The following MYBL1 variants were observed in gnomAD, a reference collection of about 807,000 sequenced individuals.
MYBL1 encodes the protein myb-related protein A.
A neutral mutation model predicts 96.3 loss-of-function variants in MYBL1; 17 were observed. That is an observed-to-expected ratio of 0.18 (90% CI 0.12 to 0.26). The LOEUF (loss-of-function observed/expected upper bound fraction) is 0.26, where lower values mean the gene tolerates loss of function less well. Among genes scored for constraint, MYBL1 ranks in the 10% least tolerant of loss-of-function variants. The pLI is 1.00. For missense variants in MYBL1, 701 were observed against 882.9 expected (o/e 0.79, Z 2.61); for synonymous variants, 282 against 292.7 (o/e 0.96, Z 0.37).
In MYBL1 at chr8:66,566,117, T is replaced by C; in HGVS notation, c.2077A>G (p.Lys693Glu). 1 of 1,545,084 alleles carries C rather than the reference T, an allele frequency of 6.5e-7. No homozygotes were observed. The highest frequency in any genetic ancestry group is 2.4e-5 in the East Asian group (1 of 41,246). Residue 693 changes from lysine (K) to glutamate (E), a missense_variant, in exon 15 of 16, where the codon AAG becomes GAG. By Grantham distance (56) the Lys-to-Glu change is moderately conservative (BLOSUM62 1). This residue lies in a region of MYBL1 where 137 missense variants were observed against 137.5 expected (regional missense o/e 1.00). Transcript: ENST00000522677. ...STNKTYTLTK[K>E]KPNPNTSKVV... ...TTGGAAGTGTTAGGGTTTGGTTTCT[T>C]TTTAGTAAGTGTATATGTTTTGTTG...
intron 8 of MYBL1, among the ~76,000 whole-genome samples, chr8:66,583,989 C>T (rs1351013115): frequency 6.6e-6 from 1 of 152,038 alleles, no homozygotes; most frequent in Non-Finnish European, 1.5e-5. Flanking sequence ...ATACCAAAAC[C>T]AAATAAAGAA....
At chr8:66,588,663 C>T (rs1038536732) in intron 8 of MYBL1, among the ~76,000 whole-genome samples, 2 of 152,042 alleles carry the variant, frequency 1.3e-5, no homozygotes, top group Non-Finnish European at 2.9e-5. Flanking sequence ...AAAACATTCA[C>T]AAGAGTAGAG....
chr8:66,575,799 A>T (rs1010448927), intron 10 of MYBL1, among the ~76,000 whole-genome samples: 1 of 151,922 alleles, frequency 6.6e-6, no homozygotes, highest in Non-Finnish European at 1.5e-5. Flanking sequence ...CCAAAATATA[A>T]ATAAATAAAT....
intron 1 of MYBL1, among the ~76,000 whole-genome samples, chr8:66,603,049 A>G (rs6982202): frequency 0.13 from 20,233 of 151,746 alleles, 3,205 homozygotes; most frequent in African/African-American, 0.38. Flanking sequence ...CTGGCCTGGA[A>G]CTATACTTCT....
chr8:66,602,317 C>T (rs1810106094), intron 2 of MYBL1, 101 bp downstream of exon 2: 2 of 687,474 alleles, frequency 2.9e-6, no homozygotes, highest in Admixed American at 3.5e-5. Flanking sequence ...TCCCAAAGGG[C>T]TGGGATTACA....
At position 66,572,600 on chromosome 8, in the gene MYBL1, T is replaced by A. The variant is rs773861552; in HGVS notation, c.1614-4A>T. On this transcript the variant is annotated splice_region_variant and splice_polypyrimidine_tract_variant and intron_variant, in intron 11 of 15. Transcript: ENST00000522677. ...TCTAATAGTAGGTGTTCTAAACCTA[T>A]CCAGTCATTTAGATATTTATGTTAT... 7.3e-7 allele frequency: 1 copy of A among 1,360,584 alleles called. No homozygotes were observed. Among genetic ancestry groups the A allele is most frequent in the Non-Finnish European group, 1.0e-6 (1 of 974,288 alleles). 84.3% of individuals were successfully genotyped at this position (1,360,584 alleles called of 1,614,324 possible). A position where few individuals can be genotyped will look rare whatever the true frequency, so the allele number is the denominator to read the frequency against.
At chr8:66,597,256 C>A in intron 5 of MYBL1, 74 bp downstream of exon 5, 3 of 1,076,712 alleles carry the variant, frequency 2.8e-6, no homozygotes, top group East Asian at 5.4e-5. Context: ...CGGGGACTTG[C>A]AAATGTATTT....
chr8:66,579,613 C>T (rs1335628654), intron 9 of MYBL1, among the ~76,000 whole-genome samples: 1 of 151,154 alleles, frequency 6.6e-6, no homozygotes, highest in Non-Finnish European at 1.5e-5. Context: ...ACTGAGATTG[C>T]ACCACTACAC....
At chr8:66,584,827 A>C (rs1227531898) in intron 8 of MYBL1, among the ~76,000 whole-genome samples, 1 of 152,186 alleles carries the variant, frequency 6.6e-6, no homozygotes, top group Non-Finnish European at 1.5e-5. Flanking sequence ...GATAAATTAA[A>C]CCAAGAAGGT....
At chr8:66,612,383 C>G (rs1810564488) in intron 1 of MYBL1, 1 of 180,736 alleles carries the variant, frequency 5.5e-6, no homozygotes, top group Non-Finnish European at 1.1e-5. Flanking sequence ...CGCCCAGGTT[C>G]ACCGCGGAGT....
chr8:66,586,293 AC>A (rs2129882252), intron 8 of MYBL1, among the ~76,000 whole-genome samples: 1 of 151,766 alleles, frequency 6.6e-6, no homozygotes, highest in South Asian at 2.1e-4. Flanking sequence ...CAATCTACCC[AC>A]CTTAGCCTCT....
At chr8:66,574,817 G>A (rs910076538) in intron 10 of MYBL1, among the ~76,000 whole-genome samples, 6 of 152,242 alleles carry the variant, frequency 3.9e-5, no homozygotes, top group Admixed American at 6.5e-5. Flanking sequence ...CACTTTGGGA[G>A]GCCGAGGCGG....
intron 9 of MYBL1, among the ~76,000 whole-genome samples, chr8:66,577,789 G>A (rs1207499585): frequency 6.6e-6 from 1 of 152,146 alleles, no homozygotes; most frequent in African/African-American, 2.4e-5. Flanking sequence ...TAAGCCAAAA[G>A]AACAAAGCTG....
At chr8:66,603,692 A>C (rs902030289) in intron 1 of MYBL1, among the ~76,000 whole-genome samples, 8 of 151,854 alleles carry the variant, frequency 5.3e-5, no homozygotes, top group Non-Finnish European at 1.0e-4. Context: ...GGGTTTTGCT[A>C]TGTTGCTCCA....
Position 66,599,122 on chromosome 8 carries a change from G to A in MYBL1, c.219C>T (p.Cys73=), listed in dbSNP as rs1417706710. The A allele has an allele frequency of 6.3e-7, 1 of 1,592,620 alleles. No individual in the cohort carries two copies. The highest frequency in any genetic ancestry group is 1.8e-5 in the Admixed American group (1 of 56,010). ...TTAAAACTTTCTGCCATCGATGCTG[G>A]CACTGAAAATCAGAGCGATTCTGAA... ...SHLQNRSDFQ[C]QHRWQKVLNP... is the part of the protein sequence containing the mutation. The change falls in exon 4 of 16, where the codon TGC becomes TGT. Residue 73 remains cysteine (C), a synonymous_variant. Transcript: ENST00000522677.
At chr8:66,606,477 T>C (rs182350572) in intron 1 of MYBL1, among the ~76,000 whole-genome samples, 3 of 152,346 alleles carry the variant, frequency 2.0e-5, no homozygotes, top group Admixed American at 2.0e-4. Context: ...CTAATATAGT[T>C]AAGCGCATGC....
chr8:66,606,860 G>A (rs1435538874), intron 1 of MYBL1, among the ~76,000 whole-genome samples: 4 of 150,854 alleles, frequency 2.7e-5, no homozygotes, highest in Admixed American at 2.6e-4. Flanking sequence ...GCGCAATCTC[G>A]GCTCACTGCA....
In MYBL1 at chr8:66,576,367, T is replaced by C; in HGVS notation, c.1110A>G (p.Val370=). The part of the protein sequence containing the change: ...ETLELIESDP[V]AWSDVTSFDI... ...CAAAACTGGTAACGTCACTCCATGC[T>C]ACAGGATCCTGCAATAAATTAAACT... Residue 370 remains valine, a synonymous_variant, in exon 10 of 16, where the codon GTA becomes GTG. Transcript: ENST00000522677. 6.2e-7 allele frequency: 1 copy of C among 1,602,412 alleles called. No homozygotes were observed. The highest frequency in any genetic ancestry group is 8.5e-7 in the Non-Finnish European group (1 of 1,175,876).
At position 66,576,049 on chromosome 8, in the gene MYBL1, T is replaced by A; in HGVS notation, c.1428A>T (p.Leu476=). The A allele has an allele frequency of 6.2e-7, 1 of 1,613,970 alleles. No homozygotes were observed. The highest frequency in any genetic ancestry group is 2.2e-5 in the East Asian group (1 of 44,882). ...GTAGTGTTTTCAGTGGTGTATGTTTTAGCGCCATATTACCACCATCGTTCA... is the reference window on the plus strand; with the variant it reads ...GTAGTGTTTTCAGTGGTGTATGTTTAAGCGCCATATTACCACCATCGTTCA... The part of the protein sequence containing the change: ...GSLNDGGNMA[L]KHTPLKTLPF... The change falls in exon 10 of 16, where the codon CTA becomes CTT. Residue 476 remains leucine, a synonymous_variant. Coordinates refer to ENST00000522677, the MANE Select transcript of MYBL1 (RefSeq NM_001080416.4).
Sources: gnomAD v4.1 joint callset for allele counts (sites outside exome capture counted in the v4.1 genomes callset) on GRCh38, gnomAD v4.1.1 for gene constraint, gnomAD v4.1.1 regional missense constraint, MANE v1.5 for transcripts, NCBI Gene and HGNC (gene_info 2026-07-23, HGNC 2026-07-21) for gene names.